The following MAD1L1 variants were observed in gnomAD, a reference collection of about 807,000 sequenced individuals.
MAD1L1 encodes the protein mitotic spindle assembly checkpoint protein MAD1.
In MAD1L1, 95 loss-of-function variants were observed where a neutral mutation model predicts 96.9. The ratio of observed to expected loss-of-function variants is 0.98; its 90% CI spans 0.83 to 1.16. The LOEUF (loss-of-function observed/expected upper bound fraction) is 1.16. MAD1L1 is among the 50% of genes most tolerant of loss of function. The pLI is 0.00. For missense variants in MAD1L1, 1,007 were observed against 954.4 expected (o/e 1.06, Z -0.73); for synonymous variants, 473 against 396.6 (o/e 1.19, Z -2.29).
chr7:2,038,108 G>C (rs1783519610), intron 12 of MAD1L1, among the ~76,000 whole-genome samples: 1 of 152,182 alleles, frequency 6.6e-6, no homozygotes, highest in African/African-American at 2.4e-5. Context: ...AAGTCTGAGT[G>C]GTCTGGATAG....
chr7:2,211,510 G>A (rs189083704), intron 10 of MAD1L1, among the ~76,000 whole-genome samples: 1 of 152,366 alleles, frequency 6.6e-6, no homozygotes, highest in East Asian at 1.9e-4. Context: ...TCAGGCACGT[G>A]GGGGCCTCTG....
chr7:1,912,515 C>T (rs1014077600), intron 17 of MAD1L1, among the ~76,000 whole-genome samples: 2 of 152,198 alleles, frequency 1.3e-5, no homozygotes, highest in Non-Finnish European at 2.9e-5. Context: ...CCCATCCTCT[C>T]ACGGCTCCTC....
At chr7:1,844,035 G>A (rs1010393675) in intron 18 of MAD1L1, 1 of 154,436 alleles carries the variant, frequency 6.5e-6, no homozygotes, top group Non-Finnish European at 1.5e-5. Context: ...AGCCTATGCA[G>A]GAACACTTGT....
chr7:2,205,959 C>T (rs529749511), intron 10 of MAD1L1, among the ~76,000 whole-genome samples: 5 of 152,154 alleles, frequency 3.3e-5, no homozygotes, highest in African/African-American at 1.2e-4. Flanking sequence ...CATGGTGAAA[C>T]CTGTCTCTAT....
intron 11 of MAD1L1, chr7:2,079,736 G>A (rs1785543348): frequency 4.2e-6 from 2 of 471,000 alleles, no homozygotes; most frequent in African/African-American, 2.0e-5. Flanking sequence ...AATGCTGGGT[G>A]GGGAGCCCCG....
At chr7:1,837,462 A>T (rs1197776311) in intron 18 of MAD1L1, among the ~76,000 whole-genome samples, 2 of 152,246 alleles carry the variant, frequency 1.3e-5, no homozygotes, top group East Asian at 3.8e-4. Flanking sequence ...GCCAAGAGAA[A>T]AGAAATAAAT....
chr7:2,122,366 G>A (rs546735796), intron 11 of MAD1L1, among the ~76,000 whole-genome samples: 6 of 152,284 alleles, frequency 3.9e-5, no homozygotes, highest in African/African-American at 9.6e-5. Flanking sequence ...AGTGGTTCAC[G>A]CTTGTAATCC....
chr7:1,919,913 G>A (rs549690259), intron 17 of MAD1L1, among the ~76,000 whole-genome samples: 19 of 152,350 alleles, frequency 1.2e-4, no homozygotes, highest in Non-Finnish European at 2.4e-4. Flanking sequence ...GTTGCAAAGT[G>A]CCCAGGGGTG....
chr7:1,971,080 G>C (rs143947713), intron 15 of MAD1L1, among the ~76,000 whole-genome samples: 5 of 152,022 alleles, frequency 3.3e-5, no homozygotes, highest in East Asian at 1.9e-4. Context: ...CAGCCCTTCG[G>C]TGTGCGAGTT....
chr7:1,916,187 A>G (rs779362994), intron 17 of MAD1L1, among the ~76,000 whole-genome samples: 1 of 152,176 alleles, frequency 6.6e-6, no homozygotes, highest in Non-Finnish European at 1.5e-5. Context: ...CACGTGGGAC[A>G]TGCAAACGGG....
At chr7:1,921,609 G>A (rs1458933226) in intron 17 of MAD1L1, among the ~76,000 whole-genome samples, 2 of 152,082 alleles carry the variant, frequency 1.3e-5, no homozygotes, top group Admixed American at 6.5e-5. Flanking sequence ...ATGAGCCACC[G>A]CGCCTGGCCG....
At chr7:1,869,191 A>C (rs564236303) in intron 18 of MAD1L1, among the ~76,000 whole-genome samples, 23 of 152,222 alleles carry the variant, frequency 1.5e-4, no homozygotes, top group African/African-American at 5.5e-4. Flanking sequence ...AGGAGAAGGC[A>C]CACACGCTGC....
intron 17 of MAD1L1, among the ~76,000 whole-genome samples, chr7:1,916,473 C>T (rs375829161): frequency 2.0e-5 from 3 of 152,288 alleles, no homozygotes; most frequent in Non-Finnish European, 4.4e-5. Context: ...GAGGCGGGGA[C>T]AGCACGCTGG....
At chr7:2,118,387 C>G (rs999812296) in intron 11 of MAD1L1, among the ~76,000 whole-genome samples, 1 of 152,260 alleles carries the variant, frequency 6.6e-6, no homozygotes, top group African/African-American at 2.4e-5. Context: ...GGACCTCCCC[C>G]TGTGCTGCCA....
chr7:1,926,782 TGGA>T (rs1470904348), intron 17 of MAD1L1, among the ~76,000 whole-genome samples: 6 of 152,182 alleles, frequency 3.9e-5, no homozygotes, highest in African/African-American at 7.2e-5. Flanking sequence ...GCACGCCTCA[TGGA>T]GGAGGATGGA....
intron 14 of MAD1L1, among the ~76,000 whole-genome samples, chr7:1,992,715 G>A (rs1320020873): frequency 6.6e-6 from 1 of 152,204 alleles, no homozygotes; most frequent in Non-Finnish European, 1.5e-5. Context: ...AGGGCTGCTG[G>A]CTGAATCACA....
At position 2,215,968 on chromosome 7, in the gene MAD1L1, C is replaced by G. The variant is rs1234861723; in HGVS notation, c.841G>C (p.Glu281Gln). ...TTCCTCTGCAGCCCTTCCAGCTCTT[C>G]CTGGAGCAGCCCGTTGGTCTCTCTC... ...EMRETNGLLQ[E>Q]ELEGLQRKLG... The change falls in exon 9 of 19, where the codon GAA (glutamate) becomes CAA (glutamine). Residue 281 changes from glutamate to glutamine, a missense_variant. By Grantham distance (29) the Glu-to-Gln change is conservative (BLOSUM62 2). Coordinates refer to ENST00000265854, the MANE Select transcript of MAD1L1 (RefSeq NM_001013836.2). 1 of 1,614,208 alleles carries G rather than the reference C, an allele frequency of 6.2e-7. No individual in the cohort carries two copies.
chr7:2,179,251 C>A (rs547485266), intron 10 of MAD1L1, among the ~76,000 whole-genome samples: 1 of 152,252 alleles, frequency 6.6e-6, no homozygotes, highest in African/African-American at 2.4e-5. Flanking sequence ...CAGTCTAGAC[C>A]GGGCACGGTG....
At chr7:2,215,750 C>T (rs956861579) in intron 9 of MAD1L1, 135 bp downstream of exon 9, 11 of 774,834 alleles carry the variant, frequency 1.4e-5, no homozygotes, top group Non-Finnish European at 2.0e-5. Flanking sequence ...CTGGGGACCA[C>T]GATTCTGCCT....
Sources: allele counts gnomAD v4.1 joint callset (sites outside exome capture counted in the v4.1 genomes callset), GRCh38; gene constraint gnomAD v4.1.1; transcripts MANE v1.5; gene names NCBI Gene and HGNC (gene_info 2026-07-23, HGNC 2026-07-21).